Variants in ZC3HAV1L observed in about 807,000 individuals in gnomAD.
ZC3HAV1L encodes zinc finger CCCH-type antiviral protein 1-like.
Under a neutral mutation model 28.2 loss-of-function variants are expected in ZC3HAV1L, and 23 were observed. The ratio of observed to expected loss-of-function variants is 0.82; its 90% CI spans 0.59 to 1.16. The LOEUF is 1.16. Ranked by LOEUF, ZC3HAV1L falls within the 50% of genes most tolerant of loss-of-function variation. The probability of loss-of-function intolerance (pLI) is 0.00; values close to 1 mark genes in which losing one functional copy is unlikely to be tolerated. For missense variants in ZC3HAV1L, 376 were observed against 387.7 expected, an observed-to-expected ratio of 0.97 and a Z score of 0.25; for synonymous variants, 180 against 163.4, an observed-to-expected ratio of 1.10 and a Z score of -0.78.
At position 139,025,872 on chromosome 7, in the gene ZC3HAV1L, C is replaced by G. The variant is rs1352988270; in HGVS notation, c.*672G>C. On this transcript the variant is annotated 3_prime_UTR_variant, in exon 5 of 5. Transcript: ENST00000275766. ...AAGAGGCTGGGTGCAGTGGCTCATG[C>G]CTGTAATCCTAGCACTCTGGGAGGC... 1 of 152,058 alleles carries G rather than the reference C, an allele frequency of 6.6e-6. No homozygotes were observed. Among genetic ancestry groups the G allele is most frequent in the Non-Finnish European group, 1.5e-5 (1 of 68,012 alleles). 9.4% of individuals were successfully genotyped at this position (152,058 alleles called of 1,614,324 possible).
rs375914209 is a variant in ZC3HAV1L at position 139,035,303 on chromosome 7, C to A, written c.365+350G>T. On this transcript the variant is annotated intron_variant, in intron 1 of 4. Transcript: ENST00000275766. ...GGATCTCATGGGATCCTCAGACGCC[C>A]CACGCCCCCCACCTCCCGCCAAATA... The A allele has an allele frequency of 1.6e-5, 16 of 985,404 alleles. No homozygotes were observed. The African/African-American group carries it at 2.6e-4, about 16-fold the overall frequency. The allele number at this position is 985,404 out of a possible 1,614,324, so 61.0% of individuals were successfully genotyped here. A position where few individuals can be genotyped will look rare whatever the true frequency, so the allele number is the denominator to read the frequency against.
Position 139,035,820 on chromosome 7 carries a change from C to T in ZC3HAV1L, c.198G>A (p.Glu66=). ...TQEGLGDAEA[E]AAAGAVGGGG... ...CACCGCCCACCGCGCCGGCCGCCGC[C>T]TCGGCCTCCGCGTCCCCGAGGCCCT... The change falls in exon 1 of 5, where the codon GAG becomes GAA. Residue 66 remains glutamate, a synonymous_variant. Coordinates refer to ENST00000275766, the MANE Select transcript of ZC3HAV1L (RefSeq NM_080660.4). The T allele has an allele frequency of 6.7e-7, 1 of 1,484,782 alleles. No homozygotes were observed. The highest frequency in any genetic ancestry group is 2.3e-5 in the Admixed American group (1 of 43,548). The allele number at this position is 1,484,782 out of a possible 1,614,324, so 92.0% of individuals were successfully genotyped here. A position where few individuals can be genotyped will look rare whatever the true frequency, so the allele number is the denominator to read the frequency against.
chr7:139,034,602 G>GACC lies in ZC3HAV1L; in HGVS notation c.439_441dup (p.Gly147dup), dbSNP rs756707765. On this transcript the variant is annotated inframe_insertion, in exon 2 of 5. Coordinates refer to ENST00000275766, the MANE Select transcript of ZC3HAV1L (RefSeq NM_080660.4). ...AGGATCCGAAGCTGGTTTTCATTGA[G>GACC]ACCAAAAAGTCCATGGCTTTTCAGG... 1.9e-6 allele frequency: 3 copies of GACC among 1,614,072 alleles called. No individual in the cohort carries two copies. The highest frequency in any genetic ancestry group is 1.7e-6 in the Non-Finnish European group (2 of 1,179,994).
chr7:139,033,755 TAC>T (rs1815607532), intron 2 of ZC3HAV1L: 2 of 985,216 alleles, frequency 2.0e-6, no homozygotes, highest in Admixed American at 1.2e-4. Flanking sequence ...AATCAAAAAG[TAC>T]TATAAAATTA....
intron 1 of ZC3HAV1L, chr7:139,035,365 A>AT: frequency 1.0e-6 from 1 of 977,628 alleles, no homozygotes; most frequent in Non-Finnish European, 1.2e-6. Context: ...CCCAGTCCGG[A>AT]TTTAACCCGG....
At chr7:139,030,897 G>A (rs76927312) in intron 2 of ZC3HAV1L, among the ~76,000 whole-genome samples, 37 of 151,952 alleles carry the variant, frequency 2.4e-4, no homozygotes, top group Middle Eastern at 6.8e-3. Context: ...AAAATTTGAG[G>A]GATACAGGAA....
chr7:139,030,440 G>A (rs754622439), intron 2 of ZC3HAV1L, among the ~76,000 whole-genome samples: 37 of 151,702 alleles, frequency 2.4e-4, no homozygotes, highest in African/African-American at 4.4e-4. Context: ...GCGAGACTCC[G>A]TCTTAAAAAT....
At position 139,028,836 on chromosome 7, in the gene ZC3HAV1L, C is replaced by T. The variant is rs966116271; in HGVS notation, c.626G>A (p.Arg209Gln). Residue 209 changes from arginine to glutamine, a missense_variant, in exon 3 of 5, where the codon CGG becomes CAG. Physicochemically the swap from Arg to Gln is conservative, Grantham distance 43. Coordinates refer to ENST00000275766, the MANE Select transcript of ZC3HAV1L (RefSeq NM_080660.4). ...KGECKLQTCK[R>Q]SHQLIHAASL... Reference sequence around the variant, plus strand: ...TGCAGCATGGATAAGCTGATGGGACCGTTTGCAGGTCTGAAGTTTGCATTC... The same window carrying T: ...TGCAGCATGGATAAGCTGATGGGACTGTTTGCAGGTCTGAAGTTTGCATTC... The T allele has an allele frequency of 5.0e-6, 8 of 1,614,100 alleles. No homozygotes were observed. The highest frequency in any genetic ancestry group is 3.3e-5 in the South Asian group (3 of 91,082).
intron 3 of ZC3HAV1L, among the ~76,000 whole-genome samples, chr7:139,028,383 A>AC (rs1815419069): frequency 6.6e-6 from 1 of 150,814 alleles, no homozygotes; most frequent in African/African-American, 2.4e-5. Flanking sequence ...AAAAAAAAAA[A>AC]CAAAAACAAA....
At position 139,028,896 on chromosome 7, in the gene ZC3HAV1L, T is replaced by G. The variant is rs779658077; in HGVS notation, c.566A>C (p.Asn189Thr). ...YGYCNLKDKC[N>T]KFHVCKSFVK... ...AAAGGATTTGCACACATGAAACTTG[T>G]TGCATTTATCCTTGAGGTTGCAGTA... The change falls in exon 3 of 5, where the codon AAC becomes ACC. Residue 189 changes from asparagine (N) to threonine (T), a missense_variant. Physicochemically the swap from Asn to Thr is moderately conservative, Grantham distance 65 (BLOSUM62 0). Coordinates refer to ENST00000275766, the MANE Select transcript of ZC3HAV1L (RefSeq NM_080660.4). 2 of 1,614,238 alleles carry G rather than the reference T, an allele frequency of 1.2e-6. No individual in the cohort carries two copies. The highest frequency in any genetic ancestry group is 1.7e-6 in the Non-Finnish European group (2 of 1,180,036).
downstream of ZC3HAV1L, among the ~76,000 whole-genome samples, chr7:139,023,392 G>A (rs1345051507): frequency 6.6e-6 from 1 of 152,016 alleles, no homozygotes; most frequent in Non-Finnish European, 1.5e-5. Context: ...TGACAAAGTG[G>A]GCCCACATTC....
downstream of ZC3HAV1L, chr7:139,022,396 A>T (rs1399359616): frequency 2.3e-6 from 1 of 437,526 alleles, no homozygotes; most frequent in East Asian, 7.6e-5. Flanking sequence ...ACCTAAAAAG[A>T]TTAGCTGAGT....
rs1191547950 is a variant in ZC3HAV1L, at chr7:139,026,794, T to A, written c.800A>T (p.Glu267Val). 1 of 1,614,078 alleles carries A rather than the reference T, an allele frequency of 6.2e-7. No homozygotes were observed. The highest frequency in any genetic ancestry group is 1.7e-5 in the Admixed American group (1 of 60,016). Residue 267 changes from glutamate to valine, a missense_variant, in exon 4 of 5, where the codon GAG becomes GTG. Coordinates refer to ENST00000275766, the MANE Select transcript of ZC3HAV1L (RefSeq NM_080660.4). ...TCCAGCTGCGTGCACTCCTTGCTTC[T>A]CAAGGCCTTGTGAATGCTCAGTCGA... is the stretch of plus-strand genomic sequence containing the variant. ...SPSTEHSQGL[E>V]KQGVHAAGAA... is the part of the protein sequence containing the mutation.
At chr7:139,025,048 A>G (rs1286227190), downstream of ZC3HAV1L, among the ~76,000 whole-genome samples, 5 of 152,166 alleles carry the variant, frequency 3.3e-5, no homozygotes, top group African/African-American at 1.2e-4. Context: ...TGAGGTATAC[A>G]GACTTCTGAT....
chr7:139,026,666 G>T, intron 4 of ZC3HAV1L, 42 bp downstream of exon 4: 1 of 1,612,722 alleles, frequency 6.2e-7, no homozygotes, highest in South Asian at 1.1e-5. Flanking sequence ...TTCCAAGCTG[G>T]ACAAGCTTCT....
intron 2 of ZC3HAV1L, among the ~76,000 whole-genome samples, chr7:139,030,768 G>A (rs1004839599): frequency 5.9e-5 from 9 of 151,710 alleles, no homozygotes; most frequent in African/African-American, 9.7e-5. Flanking sequence ...GCAGTGAGCC[G>A]AGATCACGCC....
rs1815645370 is a variant in ZC3HAV1L at position 139,034,679 on chromosome 7, C to G, written c.366-1G>C. 1.9e-6 allele frequency: 3 copies of G among 1,613,562 alleles called. No individual in the cohort carries two copies. Among genetic ancestry groups the G allele is most frequent in the Non-Finnish European group, 2.5e-6 (3 of 1,179,742 alleles). On this transcript the variant is annotated splice_acceptor_variant, in intron 1 of 4. Transcript: ENST00000275766. LOFTEE classifies it high-confidence loss of function. Reference sequence around the variant, plus strand: ...ATCATGGGAAAGGGTACAGGTAGACCTAAAAGAACAAAGCCCTCGGTCAGA... The same window carrying G: ...ATCATGGGAAAGGGTACAGGTAGACGTAAAAGAACAAAGCCCTCGGTCAGA...
rs185085992 is a variant in ZC3HAV1L, at chr7:139,034,719, A to G, written c.366-41T>C. 603 of 1,610,620 alleles carry G rather than the reference A, an allele frequency of 3.7e-4. 9 individuals are homozygous for G. In the East Asian group the frequency reaches 9.4e-3, roughly 25 times the overall value. Reference sequence around the variant, plus strand: ...CCTCGGTCAGATGCCCAGGTGAAGAAGGACCAGTCTGTCCAATTCCTTGCC... The same window carrying G: ...CCTCGGTCAGATGCCCAGGTGAAGAGGGACCAGTCTGTCCAATTCCTTGCC... On this transcript the variant is annotated intron_variant, in intron 1 of 4. Transcript: ENST00000275766.
chr7:139,028,338 A>T (rs1815415804), intron 3 of ZC3HAV1L, among the ~76,000 whole-genome samples: 1 of 149,058 alleles, frequency 6.7e-6, no homozygotes, highest in Admixed American at 6.7e-5. Flanking sequence ...GCGCCACTGC[A>T]CTCTAGCCTG....
Sources: gnomAD v4.1 joint callset for allele counts (sites outside exome capture counted in the v4.1 genomes callset) on GRCh38, gnomAD v4.1.1 for gene constraint, MANE v1.5 for transcripts, NCBI Gene and HGNC (gene_info 2026-07-23, HGNC 2026-07-21) for gene names.